Variants in SMKR1 observed in about 807,000 individuals in gnomAD.
The protein encoded by SMKR1 is small lysine-rich protein 1.
Under a neutral mutation model 4.0 loss-of-function variants are expected in SMKR1, and 4 were observed. That is an observed-to-expected ratio of 1.00 (90% CI 0.49 to 2.30). SMKR1 has a LOEUF of 2.30. SMKR1 is among the 30% of genes most tolerant of loss of function. The pLI is 0.02. For synonymous variants in SMKR1, 38 were observed against 32.5 expected (o/e 1.17, Z -0.58); for missense variants, 56 against 81.8 (o/e 0.68, Z 1.22).
At chr7:129,509,129 A>G (rs893669650) in intron 1 of SMKR1, among the ~76,000 whole-genome samples, 1 of 152,118 alleles carries the variant, frequency 6.6e-6, no homozygotes, top group Admixed American at 6.6e-5. Context: ...CCTGGCCAAC[A>G]TGGCGAAACC....
intron 1 of SMKR1, 149 bp downstream of exon 1, chr7:129,502,976 C>T (rs1185693253): frequency 2.6e-6 from 3 of 1,162,156 alleles, no homozygotes; most frequent in South Asian, 1.6e-5. Flanking sequence ...AAGGGGTGCC[C>T]GGCGGTCCGC....
intron 1 of SMKR1, among the ~76,000 whole-genome samples, chr7:129,503,196 C>G (rs774328354): frequency 6.6e-5 from 10 of 151,736 alleles, no homozygotes; most frequent in Non-Finnish European, 1.5e-4. Context: ...GGTGCCCGCG[C>G]GGGATTCTCC....
intron 1 of SMKR1, among the ~76,000 whole-genome samples, chr7:129,503,750 G>A (rs78519324): frequency 0.015 from 2,214 of 150,668 alleles, 117 homozygotes; most frequent in East Asian, 0.11. Flanking sequence ...TTTCCAGTTT[G>A]TTTCGTGTAA....
intron 1 of SMKR1, among the ~76,000 whole-genome samples, chr7:129,504,879 C>T (rs181703359): frequency 3.3e-5 from 5 of 152,288 alleles, no homozygotes; most frequent in East Asian, 1.9e-4. Context: ...CAGCATGGGT[C>T]GTGAGTAAAT....
chr7:129,512,491 G>A lies in SMKR1; in HGVS notation c.*50G>A. On this transcript the variant is annotated 3_prime_UTR_variant, in exon 2 of 2. Coordinates refer to ENST00000462322, the MANE Select transcript of SMKR1 (RefSeq NM_001195243.2). The stretch of plus-strand genomic sequence containing the variant: ...TACAGACAACAGGACCTGGGGAAGA[G>A]AAGTCAGGATAACACAACTGTTGCC... 1 of 1,483,910 alleles carries A rather than the reference G, an allele frequency of 6.7e-7. No homozygotes were observed. Among genetic ancestry groups the A allele is most frequent in the South Asian group, 1.3e-5 (1 of 75,522 alleles). The allele number at this position is 1,483,910 out of a possible 1,614,324, so 91.9% of individuals were successfully genotyped here. A position where few individuals can be genotyped will look rare whatever the true frequency, so the allele number is the denominator to read the frequency against.
Position 129,512,248 on chromosome 7 carries a change from C to T in SMKR1, c.5C>T (p.Pro2Leu). Residue 2 changes from proline to leucine, a missense_variant and splice_region_variant, in exon 2 of 2, where the codon CCA (proline) becomes CTA (leucine). Transcript: ENST00000462322. M[P>L]AKGKKGKGQG... Reference sequence around the variant, plus strand: ...CATATTTATATTTGTCTTTGAAAGCCAGCTAAAGGGAAAAAAGGAAAAGGC... The same window carrying T: ...CATATTTATATTTGTCTTTGAAAGCTAGCTAAAGGGAAAAAAGGAAAAGGC... The T allele has an allele frequency of 6.7e-7, 1 of 1,501,910 alleles. No individual in the cohort carries two copies. Among genetic ancestry groups the T allele is most frequent in the Middle Eastern group, 1.7e-4 (1 of 5,806 alleles). 93.0% of individuals were successfully genotyped at this position (1,501,910 alleles called of 1,614,324 possible).
In SMKR1 at chr7:129,510,625, G is replaced by A. The variant is rs142488667; in HGVS notation, c.4-1622G>A. ...TGCCTGTGGTCCCAGCTACTTGGGC[G>A]GCTGAGGTGAGAGGATCGCTTGAGC... On this transcript the variant is annotated intron_variant, in intron 1 of 1. Transcript: ENST00000462322. Among the ~76,000 whole-genome samples the A allele has an allele frequency of 8.7e-3, 1,324 of 152,236 alleles. 10 individuals carry two copies. The highest frequency in any genetic ancestry group is 0.021 in the Admixed American group (314 of 15,284).
chr7:129,509,574 C>T (rs1287444220), intron 1 of SMKR1, among the ~76,000 whole-genome samples: 1 of 151,968 alleles, frequency 6.6e-6, no homozygotes, highest in Non-Finnish European at 1.5e-5. Context: ...CGGAGTCTCA[C>T]TCTGTCACCA....
intron 1 of SMKR1, 48 bp from the exon 2 acceptor site, chr7:129,512,199 C>A (rs1799533693): frequency 2.0e-6 from 3 of 1,468,640 alleles, no homozygotes; most frequent in South Asian, 1.4e-5. Flanking sequence ...AAAACAAAAA[C>A]CAAAAAACTA....
chr7:129,508,705 G>C (rs776184433), intron 1 of SMKR1, among the ~76,000 whole-genome samples: 1 of 152,116 alleles, frequency 6.6e-6, no homozygotes, highest in African/African-American at 2.4e-5. Context: ...CAGTCTCCCA[G>C]AGTGTGAGGA....
In SMKR1 at chr7:129,512,656, G is replaced by A; in HGVS notation, c.*215G>A. On this transcript the variant is annotated 3_prime_UTR_variant, in exon 2 of 2. Transcript: ENST00000462322. ...CCACTTTGGTTTTTTAGGAGCTATAGGATGGGAAAAGCCTGAGTAATTCCT... is the reference window on the plus strand; with the variant it reads ...CCACTTTGGTTTTTTAGGAGCTATAAGATGGGAAAAGCCTGAGTAATTCCT... 1 of 507,104 alleles carries A rather than the reference G, an allele frequency of 2.0e-6. No homozygotes were observed. Among genetic ancestry groups the A allele is most frequent in the Non-Finnish European group, 3.4e-6 (1 of 293,554 alleles). 31.4% of individuals were successfully genotyped at this position (507,104 alleles called of 1,614,324 possible).
chr7:129,503,294 T>C (rs553712420), intron 1 of SMKR1, among the ~76,000 whole-genome samples: 18 of 148,530 alleles, frequency 1.2e-4, no homozygotes, highest in Admixed American at 7.3e-4. Context: ...CCTCATCCAG[T>C]CACTTACGAC....
chr7:129,502,975 C>T (rs1799426769), intron 1 of SMKR1, 148 bp downstream of exon 1: 11 of 1,194,060 alleles, frequency 9.2e-6, no homozygotes, highest in Non-Finnish European at 1.1e-5. Context: ...CAAGGGGTGC[C>T]CGGCGGTCCG....
intron 1 of SMKR1, among the ~76,000 whole-genome samples, chr7:129,507,188 T>C (rs1439386948): frequency 6.6e-6 from 1 of 152,070 alleles, no homozygotes; most frequent in Non-Finnish European, 1.5e-5. Flanking sequence ...GCTAATTTTT[T>C]GTATTTATAG....
intron 1 of SMKR1, among the ~76,000 whole-genome samples, chr7:129,504,265 C>G (rs1413748029): frequency 6.6e-6 from 1 of 152,248 alleles, no homozygotes; most frequent in African/African-American, 2.4e-5. Context: ...CAGAGCGGAA[C>G]CTTGCCTACC....
intron 1 of SMKR1, among the ~76,000 whole-genome samples, chr7:129,505,907 G>T (rs1053051711): frequency 2.0e-5 from 3 of 152,192 alleles, no homozygotes; most frequent in Non-Finnish European, 4.4e-5. Context: ...AGCTCGGAGT[G>T]TTGGGAACTA....
Position 129,504,561 on chromosome 7 carries a change from T to TGC in SMKR1, c.3+1734_3+1735insGC, listed in dbSNP as rs1397075106. On this transcript the variant is annotated intron_variant, in intron 1 of 1. Coordinates refer to ENST00000462322, the MANE Select transcript of SMKR1 (RefSeq NM_001195243.2). ...TTATTAATTTCTTTGTTTTTGTTTTTTTTTTTTTAGAGATAGGGTTTTGCT... is the reference window on the plus strand; with the variant it reads ...TTATTAATTTCTTTGTTTTTGTTTTTGCTTTTTTTTAGAGATAGGGTTTTGCT... Among the ~76,000 whole-genome samples the TGC allele has an allele frequency of 5.4e-4, 78 of 145,444 alleles. No homozygotes were observed. The East Asian group carries it at 0.015, about 28-fold the overall frequency.
chr7:129,502,921 T>A, intron 1 of SMKR1, 94 bp downstream of exon 1: 1 of 1,514,052 alleles, frequency 6.6e-7, no homozygotes, highest in Admixed American at 2.0e-5. Flanking sequence ...GGTCACCGCC[T>A]CTCCCTGGGG....
At chr7:129,505,849 C>A (rs570967398) in intron 1 of SMKR1, among the ~76,000 whole-genome samples, 110 of 152,200 alleles carry the variant, frequency 7.2e-4, no homozygotes, top group Middle Eastern at 3.4e-3. Flanking sequence ...CGAATTCTGC[C>A]CCTTCAATTA....
Sources: gnomAD v4.1 joint callset for allele counts (sites outside exome capture counted in the v4.1 genomes callset) on GRCh38, gnomAD v4.1.1 for gene constraint, MANE v1.5 for transcripts, NCBI Gene and HGNC (gene_info 2026-07-23, HGNC 2026-07-21) for gene names.